Variants in SECISBP2L observed in about 807,000 individuals in gnomAD.
SECISBP2L encodes selenocysteine insertion sequence-binding protein 2-like.
Under a neutral mutation model 114.7 loss-of-function variants are expected in SECISBP2L, and 43 were observed. The observed-to-expected ratio is 0.38, with a 90% confidence interval of 0.29 to 0.48. The LOEUF is 0.48. Ranked by LOEUF, SECISBP2L falls within the 20% of genes least tolerant of loss-of-function variation. The probability of loss-of-function intolerance (pLI) is 0.98; values close to 1 mark genes in which losing one functional copy is unlikely to be tolerated. For missense variants in SECISBP2L, 1,136 were observed against 1,301.1 expected (o/e 0.87, Z 1.95); for synonymous variants, 451 against 439.7 (o/e 1.03, Z -0.32).
At position 48,999,866 on chromosome 15, in the gene SECISBP2L, G is replaced by A. The variant is rs776017931; in HGVS notation, c.2370C>T (p.Ser790=). Residue 790 remains serine (S), a synonymous_variant, in exon 16 of 18, where the codon AGC becomes AGT. Transcript: ENST00000559471. ...CAAAGTAGTTGAAGATTCCCACTACGCTAACAGGAACCAGCTTGTTCACAC... is the reference window on the plus strand; with the variant it reads ...CAAAGTAGTTGAAGATTCCCACTACACTAACAGGAACCAGCTTGTTCACAC... The part of the protein sequence containing the change: ...GRCVNKLVPV[S]VVGIFNYFGA... The A allele has an allele frequency of 1.2e-6, 2 of 1,613,808 alleles. No individual in the cohort carries two copies. The highest frequency in any genetic ancestry group is 1.1e-5 in the South Asian group (1 of 91,056).
At chr15:49,019,954 G>A (rs1902608855) in intron 7 of SECISBP2L, among the ~76,000 whole-genome samples, 1 of 152,100 alleles carries the variant, frequency 6.6e-6, no homozygotes, top group African/African-American at 2.4e-5. Flanking sequence ...GAGAACCATG[G>A]AAGTGAAAAA....
Position 49,012,588 on chromosome 15 carries a change from A to C in SECISBP2L, c.1731+60T>G, listed in dbSNP as rs1031224167. On this transcript the variant is annotated intron_variant, in intron 12 of 17. Transcript: ENST00000559471. ...TAAGACACCACAACCTACTTTTACA[A>C]AACAGATTAAAATCCTTATTCATCC... The C allele has an allele frequency of 3.2e-6, 5 of 1,565,240 alleles. No individual in the cohort carries two copies. In the African/African-American group the frequency reaches 6.9e-5, roughly 22 times the overall value.
intron 11 of SECISBP2L, among the ~76,000 whole-genome samples, chr15:49,016,206 G>T (rs753815501): frequency 2.0e-5 from 3 of 152,186 alleles, no homozygotes; most frequent in African/African-American, 7.2e-5. Context: ...ACAAGGGGTT[G>T]TGGGGAGGGA....
chr15:48,992,525 C>A lies in SECISBP2L; in HGVS notation c.3025G>T (p.Val1009Leu). Residue 1009 changes from valine (V) to leucine (L), a missense_variant, in exon 18 of 18, where the codon GTA (valine) becomes TTA (leucine). Val to Leu is a conservative substitution (Grantham distance 32). Transcript: ENST00000559471. Reference protein sequence around the residue: ...EEDYTHEPISVEVQLNSRIES... With the variant: ...EEDYTHEPISLEVQLNSRIES... ...ATTCTACTATTGAGCTGCACTTCTA[C>A]AGATATGGGTTCATGAGTATAATCT... 1 of 1,614,224 alleles carries A rather than the reference C, an allele frequency of 6.2e-7. No individual in the cohort carries two copies. The highest frequency in any genetic ancestry group is 1.1e-5 in the South Asian group (1 of 91,082).
rs1011170844 is a variant in SECISBP2L, at chr15:49,001,174, T to A, written c.2028-77A>T. 7.9e-6 allele frequency: 7 copies of A among 881,746 alleles called. No individual in the cohort carries two copies. The African/African-American group carries it at 1.0e-4, about 13-fold the overall frequency. 54.6% of individuals were successfully genotyped at this position (881,746 alleles called of 1,614,324 possible). A position where few individuals can be genotyped will look rare whatever the true frequency, so the allele number is the denominator to read the frequency against. On this transcript the variant is annotated intron_variant, in intron 14 of 17. Coordinates refer to ENST00000559471, the MANE Select transcript of SECISBP2L (RefSeq NM_001193489.2). Reference sequence around the variant, plus strand: ...GTTATAAAACTGCATTAAGAAAATATCTCTAAGAGAAAATATATATGGTAA... The same window carrying A: ...GTTATAAAACTGCATTAAGAAAATAACTCTAAGAGAAAATATATATGGTAA...
intron 2 of SECISBP2L, among the ~76,000 whole-genome samples, chr15:49,036,148 T>G (rs555174033): frequency 6.6e-6 from 1 of 152,196 alleles, no homozygotes; most frequent in Admixed American, 6.5e-5. Context: ...CCTCTCATAC[T>G]CCCCTAATCA....
chr15:49,019,682 T>C (rs1016984414), intron 7 of SECISBP2L, 130 bp from the exon 8 acceptor site: 1 of 697,812 alleles, frequency 1.4e-6, no homozygotes, highest in African/African-American at 1.8e-5. Context: ...AGTGCATCAC[T>C]TATTTTAAAG....
chr15:49,027,516 AT>A (rs761115472), intron 6 of SECISBP2L, 36 bp from the exon 7 acceptor site: 1 of 1,376,606 alleles, frequency 7.3e-7, no homozygotes, highest in Non-Finnish European at 1.0e-6. Context: ...TAATTTACTT[AT>A]AAAAGGTAGG....
rs755611164 is a variant in SECISBP2L, at chr15:49,035,364, T to A, written c.498A>T (p.Arg166Ser). Residue 166 changes from arginine (R) to serine (S), a missense_variant, in exon 3 of 18, where the codon AGA becomes AGT. By Grantham distance (110) the Arg-to-Ser change is moderately radical. Coordinates refer to ENST00000559471, the MANE Select transcript of SECISBP2L (RefSeq NM_001193489.2). ...GGACCACTGATCCTCTGTTACTGTT[T>A]CTGCTTCGATGGCTGGACAATGGGA... ...QVFPLSSHRS[R>S]NSNRGSVVPK... 2.4e-5 allele frequency: 38 copies of A among 1,614,046 alleles called. No individual in the cohort carries two copies. Among genetic ancestry groups the A allele is most frequent in the Non-Finnish European group, 3.1e-5 (37 of 1,180,008 alleles).
chr15:49,016,765 GACT>G (rs1225631315), intron 10 of SECISBP2L, 64 bp from the exon 11 acceptor site: 18 of 1,526,598 alleles, frequency 1.2e-5, no homozygotes, highest in South Asian at 5.1e-5. Flanking sequence ...ATTTTAAGAT[GACT>G]ACATTTATCA....
chr15:49,045,891 G>A (rs1277822384), intron 1 of SECISBP2L, among the ~76,000 whole-genome samples: 1 of 152,174 alleles, frequency 6.6e-6, no homozygotes, highest in Non-Finnish European at 1.5e-5. Flanking sequence ...CTTTCTGGGT[G>A]AGAAGCCTTC....
intron 15 of SECISBP2L, 86 bp downstream of exon 15, chr15:49,000,791 G>A (rs1902187634): frequency 1.8e-6 from 2 of 1,092,208 alleles, no homozygotes; most frequent in South Asian, 1.7e-5. Context: ...AAACTCTGAT[G>A]AGAAAGACAT....
chr15:48,997,435 T>C (rs759767972), intron 16 of SECISBP2L, among the ~76,000 whole-genome samples: 5 of 152,200 alleles, frequency 3.3e-5, no homozygotes, highest in Non-Finnish European at 7.3e-5. Flanking sequence ...GCATGACTAC[T>C]GGGCCAAATG....
At chr15:49,005,855 C>G (rs1346095139) in intron 14 of SECISBP2L, among the ~76,000 whole-genome samples, 2 of 152,010 alleles carry the variant, frequency 1.3e-5, no homozygotes, top group Non-Finnish European at 2.9e-5. Context: ...TGTTGACGGT[C>G]TTTACAATTT....
intron 7 of SECISBP2L, among the ~76,000 whole-genome samples, chr15:49,026,325 C>A (rs1350718957): frequency 6.6e-6 from 1 of 152,096 alleles, no homozygotes; most frequent in Non-Finnish European, 1.5e-5. Flanking sequence ...AGAGTGACTA[C>A]AGTTAACAAT....
intron 14 of SECISBP2L, among the ~76,000 whole-genome samples, chr15:49,007,422 C>G (rs1022561738): frequency 7.2e-5 from 11 of 152,188 alleles, no homozygotes; most frequent in African/African-American, 2.7e-4. Flanking sequence ...GATGCTCTGT[C>G]CCAGGCAGAT....
intron 3 of SECISBP2L, 85 bp from the exon 4 acceptor site, chr15:49,033,185 A>T (rs1902934788): frequency 2.1e-6 from 3 of 1,408,496 alleles, no homozygotes; most frequent in Non-Finnish European, 2.9e-6. Flanking sequence ...TAAAATAAAC[A>T]TTATAAAATA....
At chr15:49,001,957 G>A (rs1165454669) in intron 14 of SECISBP2L, 1 of 151,994 alleles carries the variant, frequency 6.6e-6, no homozygotes, top group Non-Finnish European at 1.5e-5. Context: ...GCATGCTTTA[G>A]AATCCTTTGG....
At chr15:49,037,507 A>C in intron 2 of SECISBP2L, 84 bp downstream of exon 2, 1 of 1,231,262 alleles carries the variant, frequency 8.1e-7, no homozygotes, top group East Asian at 2.5e-5. Context: ...AAAGTCTAAA[A>C]GTTGCAAAGG....
Sources: gnomAD v4.1 joint callset for allele counts (sites outside exome capture counted in the v4.1 genomes callset) on GRCh38, gnomAD v4.1.1 for gene constraint, MANE v1.5 for transcripts, NCBI Gene and HGNC (gene_info 2026-07-23, HGNC 2026-07-21) for gene names.